The following ZNF878 variants were observed in gnomAD, a reference collection of about 807,000 sequenced individuals.
The protein encoded by ZNF878 is zinc finger protein 878.
A neutral mutation model predicts 11.1 loss-of-function variants in ZNF878; 10 were observed. The ratio of observed to expected loss-of-function variants is 0.90; its 90% confidence interval spans 0.56 to 1.53. The LOEUF is 1.53. ZNF878 is among the 40% of genes most tolerant of loss of function. ZNF878 has a pLI of 0.00. For synonymous variants in ZNF878, 165 were observed against 209.7 expected (o/e 0.79, Z 1.84); for missense variants, 548 against 626.1 (o/e 0.88, Z 1.33).
chr19:12,044,262 T>C lies in ZNF878; in HGVS notation c.1139A>G (p.Asn380Ser), dbSNP rs755725154. The change falls in exon 4 of 4, where the codon AAT becomes AGT. Residue 380 changes from asparagine (N) to serine (S), a missense_variant. Asn to Ser is a conservative substitution (Grantham distance 46, BLOSUM62 1). Around this residue, in one of 3 missense-constraint regions of ZNF878, gnomAD observed 335 missense variants for 358.2 expected, o/e 0.94. Transcript: ENST00000547628. The stretch of plus-strand genomic sequence containing the variant: ...AGTCCTTTCATGATAGTGAAAGGAA[T>C]TGGAAGAAGTGAAGGTTTTCCCACA... ...KQCGKTFTSS[N>S]SFHYHERTHT... 116 of 1,612,718 alleles carry C rather than the reference T, an allele frequency of 7.2e-5. No individual in the cohort carries two copies. In the East Asian group the frequency reaches 2.4e-3, roughly 33 times the overall value.
rs770403341 is a variant in ZNF878 at position 12,045,045 on chromosome 19, C to G, written c.356G>C (p.Arg119Thr). 11 of 1,614,030 alleles carry G rather than the reference C, an allele frequency of 6.8e-6. No individual in the cohort carries two copies. Among genetic ancestry groups the G allele is most frequent in the Non-Finnish European group, 8.5e-6 (10 of 1,179,976 alleles). The change falls in exon 4 of 4, where the codon AGG becomes ACG. Residue 119 changes from arginine (R) to threonine (T), a missense_variant. By Grantham distance (71) the Arg-to-Thr change is moderately conservative (BLOSUM62 -1). Around this residue, in one of 3 missense-constraint regions of ZNF878, gnomAD observed 160 missense variants for 173.3 expected, o/e 0.92. Transcript: ENST00000547628. ...EIGIGLSSLN[R>T]HLRAFSYSSS... is the part of the protein sequence containing the mutation. The stretch of plus-strand genomic sequence containing the variant: ...GGAATAACTAAAGGCTCTGAGGTGC[C>G]TATTAAGGGATGAAAGACCTATGCC...
chr19:12,044,078 A>C lies in ZNF878; in HGVS notation c.1323T>G (p.His441Gln), dbSNP rs1350598056. The part of the protein sequence containing the change: ...VFRVASQLKM[H>Q]ERTHTGEKPY... ...GTTTCTCTCCTGTGTGAGTCCTTTC[A>C]TGCATTTTAAGTTGTGAGGCAACTC... The change falls in exon 4 of 4, where the codon CAT becomes CAG. Residue 441 changes from histidine (H) to glutamine (Q), a missense_variant. Coordinates refer to ENST00000547628, the MANE Select transcript of ZNF878 (RefSeq NM_001080404.3). 2 of 1,613,824 alleles carry C rather than the reference A, an allele frequency of 1.2e-6. No individual in the cohort carries two copies. The highest frequency in any genetic ancestry group is 3.3e-5 in the Admixed American group (2 of 59,982).
At chr19:12,045,307 A>G in intron 3 of ZNF878, 98 bp from the exon 4 acceptor site, 1 of 1,013,144 alleles carries the variant, frequency 9.9e-7, no homozygotes, top group Non-Finnish European at 1.4e-6. Flanking sequence ...AGCAAAGTGT[A>G]GGCTTTCTGT....
intron 1 of ZNF878, among the ~76,000 whole-genome samples, chr19:12,048,344 G>T (rs891231333): frequency 6.6e-6 from 1 of 150,558 alleles, no homozygotes; most frequent in African/African-American, 2.4e-5. Context: ...CCGTGAAACC[G>T]CATCTCTACT....
At chr19:12,052,521 T>TG (rs1975561345) in intron 1 of ZNF878, among the ~76,000 whole-genome samples, 1 of 152,068 alleles carries the variant, frequency 6.6e-6, no homozygotes, top group Non-Finnish European at 1.5e-5. Context: ...CCGCACAATC[T>TG]GGGGAGACGC....
chr19:12,047,193 G>A (rs546428070), intron 1 of ZNF878, among the ~76,000 whole-genome samples: 3 of 152,100 alleles, frequency 2.0e-5, no homozygotes, highest in Non-Finnish European at 4.4e-5. Context: ...TAGAAAGTGG[G>A]TTTTCTTCTG....
chr19:12,048,832 CAA>C (rs561825894), intron 1 of ZNF878, among the ~76,000 whole-genome samples: 18 of 86,326 alleles, frequency 2.1e-4, no homozygotes, highest in Non-Finnish European at 2.1e-4. Flanking sequence ...GACTCTGTCT[CAA>C]AAAAAAAAAA....
Position 12,045,162 on chromosome 19 carries a change from T to C in ZNF878, c.239A>G (p.His80Arg). 1 of 1,612,374 alleles carries C rather than the reference T, an allele frequency of 6.2e-7. No individual in the cohort carries two copies. Among genetic ancestry groups the C allele is most frequent in the Non-Finnish European group, 8.5e-7 (1 of 1,179,146 alleles). The change falls in exon 4 of 4, where the codon CAT becomes CGT. Residue 80 changes from histidine (H) to arginine (R), a missense_variant. This residue lies in a region of ZNF878 where 160 missense variants were observed against 173.3 expected (regional missense o/e 0.92). Transcript: ENST00000547628. The stretch of plus-strand genomic sequence containing the variant: ...TGGAACCTGTGTCAAAACTTCTCCA[T>C]GCTGATGACTTTCTTTACTTTCAGA... The part of the protein sequence containing the change: ...RLSESKESHQ[H>R]GEVLTQVPDD...
rs1975433384 is a variant in ZNF878 at position 12,044,243 on chromosome 19, T to C, written c.1158A>G (p.Glu386=). The change falls in exon 4 of 4, where the codon GAA becomes GAG. Residue 386 remains glutamate (E), a synonymous_variant. Coordinates refer to ENST00000547628, the MANE Select transcript of ZNF878 (RefSeq NM_001080404.3). Reference sequence around the variant, plus strand: ...AGGGTTTCTCTCCAGTGTGAGTCCTTTCATGATAGTGAAAGGAATTGGAAG... The same window carrying C: ...AGGGTTTCTCTCCAGTGTGAGTCCTCTCATGATAGTGAAAGGAATTGGAAG... ...FTSSNSFHYH[E]RTHTGEKPYE... 3 of 1,614,024 alleles carry C rather than the reference T, an allele frequency of 1.9e-6. No homozygotes were observed. The highest frequency in any genetic ancestry group is 1.3e-5 in the African/African-American group (1 of 75,006).
intron 1 of ZNF878, among the ~76,000 whole-genome samples, chr19:12,048,886 C>T (rs1342171950): frequency 2.0e-5 from 3 of 149,872 alleles, no homozygotes; most frequent in East Asian, 2.0e-4. Flanking sequence ...AGGCTGGGCG[C>T]GGTGCCTCAG....
chr19:12,047,439 C>T (rs943177417), intron 1 of ZNF878, among the ~76,000 whole-genome samples: 7 of 152,106 alleles, frequency 4.6e-5, no homozygotes, highest in Admixed American at 3.9e-4. Context: ...TGATGGGCTC[C>T]TGTAATTCCA....
chr19:12,046,772 C>T lies in ZNF878; in HGVS notation c.4-12G>A, dbSNP rs1975495718. ...AAGGCCACCGAATCCTGAAATATCC[C>T]ACATGTGGACAGGAGGATGAGTGAG... is the stretch of plus-strand genomic sequence containing the variant. On this transcript the variant is annotated splice_polypyrimidine_tract_variant and intron_variant, in intron 1 of 3. Transcript: ENST00000547628. The T allele has an allele frequency of 6.2e-7, 1 of 1,613,456 alleles. No individual in the cohort carries two copies. Among genetic ancestry groups the T allele is most frequent in the South Asian group, 1.1e-5 (1 of 91,072 alleles).
At chr19:12,051,072 G>C (rs1014518244) in intron 1 of ZNF878, among the ~76,000 whole-genome samples, 1 of 146,836 alleles carries the variant, frequency 6.8e-6, no homozygotes, top group African/African-American at 2.5e-5. Context: ...CTCCAGCCTG[G>C]GTGACAGAGT....
Position 12,045,053 on chromosome 19 carries a change from G to A in ZNF878, c.348C>T (p.Ser116=). Residue 116 remains serine, a synonymous_variant, in exon 4 of 4, where the codon TCC becomes TCT. Transcript: ENST00000547628. The stretch of plus-strand genomic sequence containing the variant: ...TAAAGGCTCTGAGGTGCCTATTAAG[G>A]GATGAAAGACCTATGCCGATTTCTC... ...VCGEIGIGLS[S]LNRHLRAFSY... is the part of the protein sequence containing the mutation. 1 of 1,613,968 alleles carries A rather than the reference G, an allele frequency of 6.2e-7. No homozygotes were observed. Among genetic ancestry groups the A allele is most frequent in the Non-Finnish European group, 8.5e-7 (1 of 1,179,946 alleles).
chr19:12,043,706 G>A (rs148857000), downstream of ZNF878: 787 of 1,240,320 alleles, frequency 6.3e-4, 2 homozygotes, highest in African/African-American at 0.011. Context: ...TTCCCAAAAT[G>A]CTGAGATTAC....
chr19:12,045,221 GA>G lies in ZNF878; in HGVS notation c.192-13del. On this transcript the variant is annotated splice_polypyrimidine_tract_variant and intron_variant, in intron 3 of 3. Coordinates refer to ENST00000547628, the MANE Select transcript of ZNF878 (RefSeq NM_001080404.3). The stretch of plus-strand genomic sequence containing the variant: ...CCCCTATAAGTCTTCTGTGAACAAT[GA>G]AAGCACATTATAATGGGTTTATCAC... 1 of 1,573,040 alleles carries G rather than the reference GA, an allele frequency of 6.4e-7. No homozygotes were observed. Among genetic ancestry groups the G allele is most frequent in the Non-Finnish European group, 8.6e-7 (1 of 1,160,250 alleles).
At chr19:12,052,741 T>G in intron 1 of ZNF878, 58 bp downstream of exon 1, 1 of 1,531,698 alleles carries the variant, frequency 6.5e-7, no homozygotes, top group East Asian at 2.5e-5. Flanking sequence ...AGCGGGTTCC[T>G]CTCGGTTCCA....
chr19:12,047,653 T>C (rs1975507700), intron 1 of ZNF878, among the ~76,000 whole-genome samples: 3 of 151,810 alleles, frequency 2.0e-5, no homozygotes, highest in South Asian at 4.2e-4. Flanking sequence ...GGAAACTGTA[T>C]GTAGATAGAA....
intron 1 of ZNF878, among the ~76,000 whole-genome samples, chr19:12,050,534 A>G (rs1975539552): frequency 6.6e-6 from 1 of 152,194 alleles, no homozygotes; most frequent in Non-Finnish European, 1.5e-5. Context: ...AAGGAATGCC[A>G]TTCTGGGGTT....
Sources: allele counts gnomAD v4.1 joint callset (sites outside exome capture counted in the v4.1 genomes callset), GRCh38; gene constraint gnomAD v4.1.1; regional missense constraint gnomAD v4.1.1; transcripts MANE v1.5; gene names NCBI Gene and HGNC (gene_info 2026-07-23, HGNC 2026-07-21).